Variants in GPR55 observed in about 807,000 individuals in gnomAD.
GPR55 encodes G protein-coupled receptor 55, also known as G-protein coupled receptor 55.
GPR55 carries 6 observed loss-of-function variants against 7.9 expected under a neutral mutation model. That is an observed-to-expected ratio of 0.76 (90% CI 0.41 to 1.49). GPR55 has a LOEUF of 1.49. GPR55 is among the 40% of genes most tolerant of loss of function. GPR55 has a pLI of 0.01. For synonymous variants in GPR55, 183 were observed against 166.8 expected (o/e 1.10, Z -0.75); for missense variants, 376 against 406.0 (o/e 0.93, Z 0.63).
At chr2:230,942,511 TG>T (rs1272602304) in intron 1 of GPR55, among the ~76,000 whole-genome samples, 1 of 151,708 alleles carries the variant, frequency 6.6e-6, no homozygotes, top group African/African-American at 2.4e-5. Flanking sequence ...GAGGCAGGTG[TG>T]GGGGGAGAGC....
At chr2:230,941,934 T>C (rs370024634) in intron 1 of GPR55, among the ~76,000 whole-genome samples, 3 of 152,310 alleles carry the variant, frequency 2.0e-5, no homozygotes, top group South Asian at 4.1e-4. Context: ...TGACTGATCA[T>C]TGAGAGATGG....
rs562952092 is a variant in GPR55, at chr2:230,908,869, A to T, written c.*1134T>A. 2.6e-5 allele frequency: 4 copies of T among 152,392 alleles called. No individual in the cohort carries two copies. Among genetic ancestry groups the T allele is most frequent in the South Asian group, 2.1e-4 (1 of 4,816 alleles). The allele number at this position is 152,392 out of a possible 1,614,324, so 9.4% of individuals were successfully genotyped here. Reference sequence around the variant, plus strand: ...TTGTTTACAGTTTCCTGGGACCAGCAGGGACCCCCCCTTGCCTTCTTTCTC... The same window carrying T: ...TTGTTTACAGTTTCCTGGGACCAGCTGGGACCCCCCCTTGCCTTCTTTCTC... On this transcript the variant is annotated 3_prime_UTR_variant, in exon 2 of 2. Transcript: ENST00000650999.
In GPR55 at chr2:230,908,100, A is replaced by C. The variant is rs1690495271; in HGVS notation, c.*1903T>G. On this transcript the variant is annotated 3_prime_UTR_variant, in exon 2 of 2. Transcript: ENST00000650999. ...CCATGGGAGAGGGCAGCCTGCAGGC[A>C]AGGAGAGGAGTGTCTGGGGTTTGGG... 1 of 152,416 alleles carries C rather than the reference A, an allele frequency of 6.6e-6. No individual in the cohort carries two copies. The highest frequency in any genetic ancestry group is 2.1e-4 in the South Asian group (1 of 4,814). 9.4% of individuals were successfully genotyped at this position (152,416 alleles called of 1,614,324 possible). A position where few individuals can be genotyped will look rare whatever the true frequency, so the allele number is the denominator to read the frequency against.
chr2:230,914,036 C>T (rs796675396), intron 1 of GPR55, among the ~76,000 whole-genome samples: 7 of 152,336 alleles, frequency 4.6e-5, no homozygotes, highest in African/African-American at 1.7e-4. Flanking sequence ...CACTCAGAGG[C>T]CCTTACTGTC....
intron 1 of GPR55, among the ~76,000 whole-genome samples, chr2:230,958,846 A>G (rs1691529006): frequency 6.6e-6 from 1 of 152,238 alleles, no homozygotes; most frequent in Admixed American, 6.5e-5. Context: ...TGAATCAGTT[A>G]TAACGAGGGT....
At chr2:230,926,682 CTTTT>C (rs56318183), upstream of GPR55, among the ~76,000 whole-genome samples, 3 of 100,970 alleles carry the variant, frequency 3.0e-5, no homozygotes, top group African/African-American at 8.7e-5. Flanking sequence ...TGGCTACCTT[CTTTT>C]TTTTTTTTTT....
chr2:230,931,550 AG>A (rs1401990889), intron 1 of GPR55, among the ~76,000 whole-genome samples: 2 of 152,074 alleles, frequency 1.3e-5, no homozygotes, highest in Non-Finnish European at 2.9e-5. Context: ...CCCACTTTAC[AG>A]GGTGGAAATG....
At chr2:230,925,743 C>T (rs376876730), upstream of GPR55, among the ~76,000 whole-genome samples, 8 of 152,274 alleles carry the variant, frequency 5.3e-5, no homozygotes, top group South Asian at 8.3e-4. Flanking sequence ...TGCCTAGCGT[C>T]GGAGGAGACC....
Position 230,909,906 on chromosome 2 carries a change from G to T in GPR55, c.*97C>A. 8.4e-7 allele frequency: 1 copy of T among 1,192,612 alleles called. No individual in the cohort carries two copies. Among genetic ancestry groups the T allele is most frequent in the Non-Finnish European group, 1.2e-6 (1 of 832,426 alleles). 73.9% of individuals were successfully genotyped at this position (1,192,612 alleles called of 1,614,324 possible). On this transcript the variant is annotated 3_prime_UTR_variant, in exon 2 of 2. Coordinates refer to ENST00000650999, the MANE Select transcript of GPR55 (RefSeq NM_005683.4). ...AAAGGGAAGCACATCAGTGAAGATG[G>T]TGCGGATCATCCCACCACATCAAAA...
chr2:230,917,518 T>TA (rs1261708815), intron 1 of GPR55, among the ~76,000 whole-genome samples: 2 of 152,278 alleles, frequency 1.3e-5, no homozygotes, highest in Admixed American at 1.3e-4. Flanking sequence ...AAAATAAAAA[T>TA]ACAGCCTGGC....
intron 1 of GPR55, among the ~76,000 whole-genome samples, chr2:230,916,298 G>A (rs987804424): frequency 6.6e-6 from 1 of 152,048 alleles, no homozygotes; most frequent in African/African-American, 2.4e-5. Flanking sequence ...TGTGTGGGAG[G>A]ATCACTTGAG....
At chr2:230,948,100 G>A (rs6714253) in intron 1 of GPR55, among the ~76,000 whole-genome samples, 48,460 of 151,048 alleles carry the variant, frequency 0.32, 8,098 homozygotes, top group East Asian at 0.48. Context: ...TGCCACCGCC[G>A]CCCACCCCCT....
intron 1 of GPR55, among the ~76,000 whole-genome samples, chr2:230,936,442 C>T (rs1691133840): frequency 6.6e-6 from 1 of 152,186 alleles, no homozygotes; most frequent in Non-Finnish European, 1.5e-5. Context: ...TTGCTTGGCA[C>T]TTCTCTTATG....
intron 1 of GPR55, among the ~76,000 whole-genome samples, chr2:230,942,597 G>A (rs1252568057): frequency 6.6e-6 from 1 of 152,160 alleles, no homozygotes; most frequent in South Asian, 2.1e-4. Flanking sequence ...AATGGCACAG[G>A]AGGAGTGAAG....
rs770289277 is a variant in GPR55, at chr2:230,910,688, G to A, written c.275C>T (p.Ser92Phe). The change falls in exon 2 of 2, where the codon TCC becomes TTC. Residue 92 changes from serine to phenylalanine, a missense_variant. By Grantham distance (155) the Ser-to-Phe change is radical. Transcript: ENST00000650999. This position sits in a 1 kb window ranked among gnomAD's most constrained non-coding sequence, Gnocchi z 5.4. ...VLSQVQSPFP[S>F]LCTLVECLYF... The stretch of plus-strand genomic sequence containing the variant: ...AAGGCACTCCACCAGGGTGCACAGG[G>A]ACGGGAAGGGGGACTGTACCTGGGA... 7.4e-6 allele frequency: 12 copies of A among 1,612,944 alleles called. No individual in the cohort carries two copies. The highest frequency in any genetic ancestry group is 1.0e-5 in the Non-Finnish European group (12 of 1,179,020).
chr2:230,927,652 G>A (rs936390775), upstream of GPR55, among the ~76,000 whole-genome samples: 4 of 152,232 alleles, frequency 2.6e-5, no homozygotes, highest in Admixed American at 6.5e-5. Context: ...CCCGAGTTGG[G>A]GGGTTTGGGG....
exon 1 of GPR55, chr2:230,960,958 G>C (rs1691557496): frequency 6.6e-6 from 1 of 152,184 alleles, no homozygotes; most frequent in Admixed American, 6.5e-5. Context: ...GTTTCTCACT[G>C]TGAAGACAGG....
chr2:230,911,022 G>A lies in GPR55; in HGVS notation c.-60C>T. The A allele has an allele frequency of 6.6e-7, 1 of 1,508,952 alleles. No homozygotes were observed. Among genetic ancestry groups the A allele is most frequent in the East Asian group, 2.3e-5 (1 of 43,908 alleles). The allele number at this position is 1,508,952 out of a possible 1,614,324, so 93.5% of individuals were successfully genotyped here. ...CTCCTTTCACTCTCTTGAAGTGATG[G>A]ATTCAAATGACTTTGTCAAGAATCA... On this transcript the variant is annotated 5_prime_UTR_variant, in exon 2 of 2. Coordinates refer to ENST00000650999, the MANE Select transcript of GPR55 (RefSeq NM_005683.4).
At chr2:230,922,556 G>T (rs1056243547) in intron 1 of GPR55, among the ~76,000 whole-genome samples, 8 of 151,982 alleles carry the variant, frequency 5.3e-5, no homozygotes, top group East Asian at 3.9e-4. Context: ...TTTATTTTTT[G>T]ATTTTAAAAT....
Sources: gnomAD v4.1 joint callset for allele counts (sites outside exome capture counted in the v4.1 genomes callset) on GRCh38, gnomAD v4.1.1 for gene constraint, Gnocchi (gnomAD v3.1) non-coding constraint, MANE v1.5 for transcripts, NCBI Gene and HGNC (gene_info 2026-07-23, HGNC 2026-07-21) for gene names.